The following HTR1F variants were observed in gnomAD, a reference collection of about 807,000 sequenced individuals.
The protein encoded by HTR1F is 5-hydroxytryptamine receptor 1F, also known as 5-hydroxytryptamine (serotonin) receptor 1F, G protein-coupled.
A neutral mutation model predicts 24.0 loss-of-function variants in HTR1F; 17 were observed. That is an observed-to-expected ratio of 0.71 (90% CI 0.48 to 1.06). HTR1F has a LOEUF of 1.06. Ranked by LOEUF, HTR1F falls within the 50% of genes least tolerant of loss-of-function variation. HTR1F has a pLI of 0.00. For missense variants in HTR1F, 391 were observed against 427.8 expected, an observed-to-expected ratio of 0.91 and a Z score of 0.76; for synonymous variants, 186 against 156.8, an observed-to-expected ratio of 1.19 and a Z score of -1.39.
chr3:87,952,887 A>G (rs1704865072), intron 2 of HTR1F, among the ~76,000 whole-genome samples: 1 of 151,704 alleles, frequency 6.6e-6, no homozygotes. Context: ...ATTTTCAGCC[A>G]TACAAGGACA....
intron 2 of HTR1F, among the ~76,000 whole-genome samples, chr3:87,852,480 C>G (rs1020656670): frequency 6.6e-6 from 1 of 151,686 alleles, no homozygotes; most frequent in Non-Finnish European, 1.5e-5. Context: ...TGAAATAATA[C>G]CCAGATATAT....
At chr3:87,903,641 A>T (rs1706385767) in intron 2 of HTR1F, among the ~76,000 whole-genome samples, 1 of 151,650 alleles carries the variant, frequency 6.6e-6, no homozygotes, top group African/African-American at 2.4e-5. Flanking sequence ...GCTGGAGAGG[A>T]TGTGGAGAAA....
chr3:87,941,357 A>G (rs1704563851), intron 2 of HTR1F, among the ~76,000 whole-genome samples: 1 of 152,274 alleles, frequency 6.6e-6, no homozygotes, highest in South Asian at 2.1e-4. Flanking sequence ...GCTGGATACG[A>G]TCCTCACGGA....
At position 87,990,799 on chromosome 3, in the gene HTR1F, T is replaced by TA. The variant is rs756120049; in HGVS notation, c.53dup (p.Asn18LysfsTer80). 2 of 1,613,876 alleles carry TA rather than the reference T, an allele frequency of 1.2e-6. No homozygotes were observed. Among genetic ancestry groups the TA allele is most frequent in the African/African-American group, 2.7e-5 (2 of 75,032 alleles). ...CAAAACTTGACCTCAGAGGAACTGT[T>TA]AAACAGAATGCCATCCAAAATTCTG... is the stretch of plus-strand genomic sequence containing the variant. On this transcript the variant is annotated frameshift_variant, in exon 3 of 3. Transcript: ENST00000319595. LOFTEE classifies it high-confidence loss of function.
chr3:87,952,155 T>C (rs1381657589), intron 2 of HTR1F, among the ~76,000 whole-genome samples: 2 of 152,060 alleles, frequency 1.3e-5, no homozygotes, highest in Non-Finnish European at 2.9e-5. Context: ...ATATTTAAAG[T>C]AGACAAGGTC....
chr3:87,888,741 A>G lies in HTR1F; in HGVS notation c.-43+66617A>G, dbSNP rs1413338357. On this transcript the variant is annotated intron_variant, in intron 2 of 2. Transcript: ENST00000319595. Reference sequence around the variant, plus strand: ...CTTTAAACTGACTGACCTTATATGTAAAATGGGGAGCCTAAAAGTACCTAC... The same window carrying G: ...CTTTAAACTGACTGACCTTATATGTGAAATGGGGAGCCTAAAAGTACCTAC... Among the ~76,000 whole-genome samples, 4 of 152,342 alleles carry G rather than the reference A, an allele frequency of 2.6e-5. No individual in the cohort carries two copies. In the East Asian group the frequency reaches 5.8e-4, roughly 22 times the overall value.
intron 2 of HTR1F, among the ~76,000 whole-genome samples, chr3:87,872,510 T>C (rs561377574): frequency 6.6e-6 from 1 of 152,094 alleles, no homozygotes; most frequent in African/African-American, 2.4e-5. Flanking sequence ...AAGATCAATA[T>C]ATTTGGCAAA....
At chr3:87,891,417 T>C (rs1282604212) in intron 2 of HTR1F, among the ~76,000 whole-genome samples, 1 of 152,182 alleles carries the variant, frequency 6.6e-6, no homozygotes, top group Non-Finnish European at 1.5e-5. Flanking sequence ...TTCAATTTCT[T>C]TAGACATTTT....
intron 2 of HTR1F, among the ~76,000 whole-genome samples, chr3:87,973,791 G>A (rs1041060003): frequency 6.6e-6 from 1 of 152,160 alleles, no homozygotes; most frequent in Non-Finnish European, 1.5e-5. Flanking sequence ...CATTGCCAGG[G>A]AGTTATGATT....
chr3:87,991,055 T>C lies in HTR1F; in HGVS notation c.306T>C (p.Val102=). Residue 102 remains valine (V), a synonymous_variant, in exon 3 of 3, where the codon GTT becomes GTC. Coordinates refer to ENST00000319595, the MANE Select transcript of HTR1F (RefSeq NM_001322209.2). ...TGGTCTGTGACATTTGGCTGAGTGTTGACATTACCTGCTGCACGTGCTCCA... is the reference window on the plus strand; with the variant it reads ...TGGTCTGTGACATTTGGCTGAGTGTCGACATTACCTGCTGCACGTGCTCCA... The part of the protein sequence containing the change: ...GQVVCDIWLS[V]DITCCTCSIL... The C allele has an allele frequency of 6.2e-7, 1 of 1,613,988 alleles. No homozygotes were observed. The highest frequency in any genetic ancestry group is 1.1e-5 in the South Asian group (1 of 91,082).
chr3:87,898,310 C>A (rs1431236143), intron 2 of HTR1F, among the ~76,000 whole-genome samples: 1 of 152,088 alleles, frequency 6.6e-6, no homozygotes, highest in Admixed American at 6.6e-5. Context: ...CTAGTCCTAG[C>A]CTTTTATTTT....
intron 2 of HTR1F, among the ~76,000 whole-genome samples, chr3:87,892,340 C>G (rs980872918): frequency 1.3e-5 from 2 of 152,094 alleles, no homozygotes; most frequent in African/African-American, 4.8e-5. Context: ...GTTAAAGCCT[C>G]TATCTCTTTC....
intron 1 of HTR1F, among the ~76,000 whole-genome samples, chr3:87,811,439 G>A (rs1187385583): frequency 6.6e-6 from 1 of 152,040 alleles, no homozygotes. Flanking sequence ...TTTTAATAGT[G>A]GGAAGTCTTT....
intron 2 of HTR1F, among the ~76,000 whole-genome samples, chr3:87,879,306 C>A (rs999341068): frequency 3.9e-5 from 6 of 152,118 alleles, no homozygotes; most frequent in Non-Finnish European, 8.8e-5. Flanking sequence ...TGCATTTAAT[C>A]ATATTTTAAC....
At chr3:87,968,863 C>A (rs1705222971) in intron 2 of HTR1F, among the ~76,000 whole-genome samples, 1 of 152,202 alleles carries the variant, frequency 6.6e-6, no homozygotes, top group Non-Finnish European at 1.5e-5. Flanking sequence ...GTTTCCTGGG[C>A]TAGGCCAAGG....
At chr3:87,847,488 G>A (rs1704972102) in intron 2 of HTR1F, among the ~76,000 whole-genome samples, 1 of 151,838 alleles carries the variant, frequency 6.6e-6, no homozygotes, top group Non-Finnish European at 1.5e-5. Flanking sequence ...CCAAATCAAG[G>A]TATTTGGGGT....
chr3:87,846,556 A>T (rs2107192373), intron 2 of HTR1F, among the ~76,000 whole-genome samples: 1 of 152,150 alleles, frequency 6.6e-6, no homozygotes, highest in Admixed American at 6.5e-5. Context: ...AGACTTTTCC[A>T]AATCACCCAG....
intron 2 of HTR1F, among the ~76,000 whole-genome samples, chr3:87,988,549 T>G (rs1379965190): frequency 6.6e-6 from 1 of 152,168 alleles, no homozygotes; most frequent in Non-Finnish European, 1.5e-5. Flanking sequence ...GAAAATACGC[T>G]GCATTTCAAA....
At chr3:87,930,563 G>C (rs1453955018) in intron 2 of HTR1F, among the ~76,000 whole-genome samples, 1 of 152,074 alleles carries the variant, frequency 6.6e-6, no homozygotes, top group Non-Finnish European at 1.5e-5. Context: ...TTTGTTTTTA[G>C]TTCTGTGTAT....
Sources: allele counts gnomAD v4.1 joint callset (sites outside exome capture counted in the v4.1 genomes callset), GRCh38; gene constraint gnomAD v4.1.1; transcripts MANE v1.5; gene names NCBI Gene and HGNC (gene_info 2026-07-23, HGNC 2026-07-21).